Variants in LMBRD2 observed in about 807,000 individuals in gnomAD.
LMBRD2 encodes G protein-coupled receptor-associated protein LMBRD2.
LMBRD2 carries 55 observed loss-of-function variants against 94.4 expected under a neutral mutation model. That is an observed-to-expected ratio of 0.58 (90% CI 0.47 to 0.73). The LOEUF is 0.73. Ranked by LOEUF, LMBRD2 falls within the 30% of genes least tolerant of loss-of-function variation. The probability of loss-of-function intolerance (pLI) is 0.00; values close to 1 mark genes in which losing one functional copy is unlikely to be tolerated. For synonymous variants in LMBRD2, 246 were observed against 272.4 expected (o/e 0.90, Z 0.95); for missense variants, 640 against 831.9 (o/e 0.77, Z 2.84).
rs1036878378 is a variant in LMBRD2 at position 36,114,465 on chromosome 5, A to G, written c.1599T>C (p.Tyr533=). The part of the protein sequence containing the change: ...SFIADGFYIY[Y]PMLVVILCIA... Reference sequence around the variant, plus strand: ...TGCAGAGAATTACCACCAACATAGGATAATATATATAGAATCCATCTGCAA... The same window carrying G: ...TGCAGAGAATTACCACCAACATAGGGTAATATATATAGAATCCATCTGCAA... Residue 533 remains tyrosine, a synonymous_variant, in exon 13 of 18, where the codon TAT becomes TAC. Coordinates refer to ENST00000296603, the MANE Select transcript of LMBRD2 (RefSeq NM_001007527.2). 1 of 1,569,972 alleles carries G rather than the reference A, an allele frequency of 6.4e-7. No homozygotes were observed. Among genetic ancestry groups the G allele is most frequent in the Non-Finnish European group, 8.6e-7 (1 of 1,163,686 alleles).
Position 36,102,333 on chromosome 5 carries a change from C to T in LMBRD2, c.*1713G>A, listed in dbSNP as rs930464779. The T allele has an allele frequency of 1.3e-5, 2 of 151,802 alleles. No homozygotes were observed. The highest frequency in any genetic ancestry group is 4.8e-5 in the African/African-American group (2 of 41,426). The allele number at this position is 151,802 out of a possible 1,614,324, so 9.4% of individuals were successfully genotyped here. On this transcript the variant is annotated 3_prime_UTR_variant, in exon 18 of 18. Transcript: ENST00000296603. ...CTGCAAATGAAAGTGCAGAATGAAG[C>T]ACTTGAGGCACTGAAGAGCTACATG... is the stretch of plus-strand genomic sequence containing the variant.
At chr5:36,146,945 T>TGTGA (rs1744562446) in intron 1 of LMBRD2, among the ~76,000 whole-genome samples, 1 of 87,810 alleles carries the variant, frequency 1.1e-5, no homozygotes, top group African/African-American at 4.4e-5. Context: ...TGTGTGAGTG[T>TGTGA]GTGTGTGTGT....
intron 13 of LMBRD2, among the ~76,000 whole-genome samples, chr5:36,113,502 T>A (rs1743665847): frequency 1.3e-5 from 2 of 152,236 alleles, no homozygotes; most frequent in East Asian, 3.9e-4. Context: ...GAAGTTATAA[T>A]CTTTTAGTTA....
intron 6 of LMBRD2, among the ~76,000 whole-genome samples, chr5:36,126,549 G>A (rs1428072302): frequency 6.6e-6 from 1 of 152,062 alleles, no homozygotes; most frequent in Non-Finnish European, 1.5e-5. Context: ...AGTTTTCAGT[G>A]GAAAAAAGTA....
At chr5:36,140,810 T>C (rs909389184) in intron 4 of LMBRD2, among the ~76,000 whole-genome samples, 20 of 152,194 alleles carry the variant, frequency 1.3e-4, no homozygotes, top group African/African-American at 4.8e-4. Flanking sequence ...CTGGCAATGT[T>C]GAGAGCCCAG....
rs1743302512 is a variant in LMBRD2, at chr5:36,099,386, A to G, written c.*4660T>C. On this transcript the variant is annotated 3_prime_UTR_variant, in exon 18 of 18. Coordinates refer to ENST00000296603, the MANE Select transcript of LMBRD2 (RefSeq NM_001007527.2). Reference sequence around the variant, plus strand: ...GTCCACATATTTTCTACCTTCTAAAATAAGAAAAATCCTTCGAGTTGTTTT... The same window carrying G: ...GTCCACATATTTTCTACCTTCTAAAGTAAGAAAAATCCTTCGAGTTGTTTT... 1 of 152,158 alleles carries G rather than the reference A, an allele frequency of 6.6e-6. No individual in the cohort carries two copies. Among genetic ancestry groups the G allele is most frequent in the African/African-American group, 2.4e-5 (1 of 41,460 alleles). 9.4% of individuals were successfully genotyped at this position (152,158 alleles called of 1,614,324 possible).
At chr5:36,128,670 A>G (rs1744065069) in intron 6 of LMBRD2, among the ~76,000 whole-genome samples, 1 of 152,140 alleles carries the variant, frequency 6.6e-6, no homozygotes, top group South Asian at 2.1e-4. Flanking sequence ...GACTGCAGTG[A>G]GCCAAAATCA....
chr5:36,114,486 T>C lies in LMBRD2; in HGVS notation c.1578A>G (p.Ala526=). ...TAGGATAATATATATAGAATCCATCTGCAATAAAGGATAAAACTTTCATGG... is the reference window on the plus strand; with the variant it reads ...TAGGATAATATATATAGAATCCATCCGCAATAAAGGATAAAACTTTCATGG... ...MGSMKVLSFI[A]DGFYIYYPML... Residue 526 remains alanine, a synonymous_variant, in exon 13 of 18, where the codon GCA becomes GCG. Transcript: ENST00000296603. The C allele has an allele frequency of 6.4e-7, 1 of 1,566,974 alleles. No homozygotes were observed.
At position 36,141,200 on chromosome 5, in the gene LMBRD2, T is replaced by C. The variant is rs78598767; in HGVS notation, c.275A>G (p.Gln92Arg). ...ACTCCATGGCTTGAAACAAGGATGCTGGCTGTTGAATAAAAAGTTAAAGCC... is the reference window on the plus strand; with the variant it reads ...ACTCCATGGCTTGAAACAAGGATGCCGGCTGTTGAATAAAAAGTTAAAGCC... ...LYATANPVPS[Q>R]HPCFKPWSYI... is the part of the protein sequence containing the mutation. The change falls in exon 4 of 18, where the codon CAG (glutamine) becomes CGG (arginine). Residue 92 changes from glutamine to arginine, a missense_variant and splice_region_variant. Gln to Arg is a conservative substitution (Grantham distance 43). Coordinates refer to ENST00000296603, the MANE Select transcript of LMBRD2 (RefSeq NM_001007527.2). 1.1e-3 allele frequency: 1,783 copies of C among 1,593,090 alleles called. 15 individuals carry two copies. The African/African-American group carries it at 0.02, about 18-fold the overall frequency.
rs199771550 is a variant in LMBRD2 at position 36,105,245 on chromosome 5, T to G, written c.1898-48A>C. On this transcript the variant is annotated intron_variant, in intron 16 of 17. Transcript: ENST00000296603. ...GTCTACTTCCCTACTGTCTTTTAAC[T>G]TATGGGTCACAGTCTATGGAGGTAC... The G allele has an allele frequency of 5.1e-6, 8 of 1,582,562 alleles. No individual in the cohort carries two copies. The Admixed American group carries it at 1.0e-4, about 20-fold the overall frequency.
chr5:36,146,631 C>T (rs1274989647), intron 1 of LMBRD2, among the ~76,000 whole-genome samples: 1 of 152,094 alleles, frequency 6.6e-6, no homozygotes, highest in African/African-American at 2.4e-5. Context: ...CTCACCTTGG[C>T]CTCCCAAAGC....
intron 1 of LMBRD2, among the ~76,000 whole-genome samples, chr5:36,146,882 AAATT>A: frequency 6.6e-6 from 1 of 152,138 alleles, no homozygotes; most frequent in Admixed American, 6.5e-5. Flanking sequence ...ATAGTCAAAC[AAATT>A]AACATATCTA....
At chr5:36,146,212 G>A (rs1744533807) in intron 1 of LMBRD2, among the ~76,000 whole-genome samples, 1 of 152,192 alleles carries the variant, frequency 6.6e-6, no homozygotes, top group South Asian at 2.1e-4. Flanking sequence ...CAAACTTAGT[G>A]ACTTTAAACA....
At chr5:36,118,789 T>G (rs1743819452) in intron 9 of LMBRD2, among the ~76,000 whole-genome samples, 1 of 152,086 alleles carries the variant, frequency 6.6e-6, no homozygotes, top group African/African-American at 2.4e-5. Context: ...TAACTGGAAT[T>G]ACAGGCGTGT....
chr5:36,105,550 C>T (rs1743446268), intron 16 of LMBRD2, among the ~76,000 whole-genome samples: 1 of 152,054 alleles, frequency 6.6e-6, no homozygotes, highest in Non-Finnish European at 1.5e-5. Flanking sequence ...TTACAGTAAA[C>T]CTCATTTCTT....
intron 6 of LMBRD2, among the ~76,000 whole-genome samples, chr5:36,134,305 G>A (rs975806488): frequency 2.0e-5 from 3 of 151,902 alleles, no homozygotes; most frequent in South Asian, 2.1e-4. Flanking sequence ...TAAAATTTTC[G>A]AATCACAGTA....
intron 5 of LMBRD2, 63 bp downstream of exon 5, chr5:36,137,211 A>C (rs1027596580): frequency 1.3e-4 from 144 of 1,148,750 alleles, no homozygotes; most frequent in Non-Finnish European, 1.7e-4. Context: ...TATGAAATTA[A>C]AAATGATTTT....
rs71617743 is a variant in LMBRD2 at position 36,142,714 on chromosome 5, T to C, written c.175-115A>G. 7 of 580,082 alleles carry C rather than the reference T, an allele frequency of 1.2e-5. No individual in the cohort carries two copies. In the East Asian group the frequency reaches 1.8e-4, roughly 15 times the overall value. 35.9% of individuals were successfully genotyped at this position (580,082 alleles called of 1,614,324 possible). On this transcript the variant is annotated intron_variant, in intron 2 of 17. Coordinates refer to ENST00000296603, the MANE Select transcript of LMBRD2 (RefSeq NM_001007527.2). ...AACTTACCTTCTTGGCTATGCTTTATTCTTTTTTTTTTTTTTTTCTTTTTG... is the reference window on the plus strand; with the variant it reads ...AACTTACCTTCTTGGCTATGCTTTACTCTTTTTTTTTTTTTTTTCTTTTTG...
Position 36,142,379 on chromosome 5 carries a change from G to A in LMBRD2, c.272+123C>T, listed in dbSNP as rs920675708. On this transcript the variant is annotated intron_variant, in intron 3 of 17. Coordinates refer to ENST00000296603, the MANE Select transcript of LMBRD2 (RefSeq NM_001007527.2). ...AGTCTACTAGGAAAGAATAGAGGTG[G>A]GGAGAATTAGTAGAGAATGAGGATA... 8 of 543,234 alleles carry A rather than the reference G, an allele frequency of 1.5e-5. 1 individual carries two copies. The South Asian group carries it at 2.0e-4, about 14-fold the overall frequency. The allele number at this position is 543,234 out of a possible 1,614,324, so 33.7% of individuals were successfully genotyped here.
Sources: gnomAD v4.1 joint callset for allele counts (sites outside exome capture counted in the v4.1 genomes callset) on GRCh38, gnomAD v4.1.1 for gene constraint, MANE v1.5 for transcripts, NCBI Gene and HGNC (gene_info 2026-07-23, HGNC 2026-07-21) for gene names.